QTRT2: variants seen among roughly 807,000 people sequenced by gnomAD.
The protein encoded by QTRT2 is queuine tRNA-ribosyltransferase accessory subunit 2, also known as queuine tRNA-ribosyltransferase domain containing 1.
Under a neutral mutation model 44.8 loss-of-function variants are expected in QTRT2, and 32 were observed. That is an observed-to-expected ratio of 0.71 (90% CI 0.54 to 0.96). The LOEUF is 0.96. QTRT2 is among the 40% of genes least tolerant of loss of function. The pLI is 0.00. For synonymous variants in QTRT2, 182 were observed against 187.4 expected, an observed-to-expected ratio of 0.97 and a Z score of 0.24; for missense variants, 461 against 503.1, an observed-to-expected ratio of 0.92 and a Z score of 0.80.
intron 4 of QTRT2, among the ~76,000 whole-genome samples, chr3:114,067,098 G>C (rs2076964205): frequency 6.6e-6 from 1 of 152,104 alleles, no homozygotes; most frequent in Admixed American, 6.6e-5. Flanking sequence ...TCAGTCTTCT[G>C]CTTCTGAGAG....
At chr3:114,075,168 G>A (rs911731669) in intron 6 of QTRT2, among the ~76,000 whole-genome samples, 9 of 152,090 alleles carry the variant, frequency 5.9e-5, no homozygotes, top group Non-Finnish European at 1.2e-4. Flanking sequence ...GGTTATGTAC[G>A]TACCATTTCC....
chr3:114,065,389 C>T lies in QTRT2; in HGVS notation c.132C>T (p.His44=), dbSNP rs1439496671. The T allele has an allele frequency of 1.2e-6, 2 of 1,614,192 alleles. No individual in the cohort carries two copies. The highest frequency in any genetic ancestry group is 1.1e-5 in the South Asian group (1 of 91,082). ...ATACCAAGACTGGCTCCGCCCCACA[C>T]CTCACCCATCACACGCTGCATAATA... ...LLYTKTGSAP[H]LTHHTLHNIH... is the part of the protein sequence containing the mutation. Residue 44 remains histidine, a synonymous_variant, in exon 3 of 10, where the codon CAC becomes CAT. Coordinates refer to ENST00000281273, the MANE Select transcript of QTRT2 (RefSeq NM_024638.4).
chr3:114,080,650 A>C (rs2077155442), intron 8 of QTRT2, among the ~76,000 whole-genome samples: 1 of 152,214 alleles, frequency 6.6e-6, no homozygotes, highest in Admixed American at 6.5e-5. Flanking sequence ...TAGGATACAG[A>C]CTTTGGGCTG....
chr3:114,066,852 A>G (rs1388410169), intron 4 of QTRT2, among the ~76,000 whole-genome samples: 1 of 152,200 alleles, frequency 6.6e-6, no homozygotes, highest in Non-Finnish European at 1.5e-5. Context: ...ATCATGCTTG[A>G]ACCTCAAACA....
At chr3:114,065,986 G>A (rs2076948846) in intron 3 of QTRT2, among the ~76,000 whole-genome samples, 1 of 152,222 alleles carries the variant, frequency 6.6e-6, no homozygotes, top group African/African-American at 2.4e-5. Flanking sequence ...GAAAATTCAA[G>A]TATTCTGAAG....
chr3:114,076,000 T>C (rs539940677), intron 6 of QTRT2, among the ~76,000 whole-genome samples: 1 of 152,292 alleles, frequency 6.6e-6, no homozygotes, highest in South Asian at 2.1e-4. Flanking sequence ...TTTATTTTAT[T>C]GGTTTGTGAG....
chr3:114,067,034 C>T lies in QTRT2; in HGVS notation c.256+751C>T, dbSNP rs2076963110. ...TTCTATACACCGCTTTCTCCTAACG[C>T]TTTTTCTGGTATCTAGGACTCACTT... On this transcript the variant is annotated intron_variant, in intron 4 of 9. Transcript: ENST00000281273. Among the ~76,000 whole-genome samples the T allele has an allele frequency of 2.0e-5, 3 of 152,154 alleles. No individual in the cohort carries two copies. The South Asian group carries it at 6.2e-4, about 31-fold the overall frequency.
chr3:114,061,266 C>CT (rs143077413), intron 2 of QTRT2, among the ~76,000 whole-genome samples: 4,811 of 152,170 alleles, frequency 0.032, 236 homozygotes, highest in African/African-American at 0.11. Context: ...ATCCACTTTG[C>CT]TTTTTTCGAT....
intron 5 of QTRT2, among the ~76,000 whole-genome samples, chr3:114,070,280 AAAAG>A (rs745726777): frequency 1.2e-4 from 18 of 152,232 alleles, no homozygotes; most frequent in South Asian, 6.2e-4. Flanking sequence ...AAAAAAAAGA[AAAAG>A]AAATACGGAA....
Position 114,065,373 on chromosome 3 carries a change from C to G in QTRT2, c.116C>G (p.Thr39Ser), listed in dbSNP as rs1487205041. ...DIPGCLLYTK[T>S]GSAPHLTHHT... ...CCAGGCTGCCTTCTGTATACCAAGA[C>G]TGGCTCCGCCCCACACCTCACCCAT... Residue 39 changes from threonine (T) to serine (S), a missense_variant, in exon 3 of 10, where the codon ACT (threonine) becomes AGT (serine). Thr to Ser is a moderately conservative substitution (Grantham distance 58). Coordinates refer to ENST00000281273, the MANE Select transcript of QTRT2 (RefSeq NM_024638.4). 3.1e-6 allele frequency: 5 copies of G among 1,614,192 alleles called. No individual in the cohort carries two copies. The highest frequency in any genetic ancestry group is 4.2e-6 in the Non-Finnish European group (5 of 1,180,030).
At chr3:114,070,860 C>T in intron 6 of QTRT2, 22 bp downstream of exon 6, 7 of 1,596,698 alleles carry the variant, frequency 4.4e-6, no homozygotes, top group South Asian at 3.3e-5. Context: ...CCACTAACCA[C>T]TCCTTTCTCT....
At chr3:114,068,826 T>C (rs1370213701) in intron 5 of QTRT2, among the ~76,000 whole-genome samples, 2 of 152,194 alleles carry the variant, frequency 1.3e-5, no homozygotes, top group Admixed American at 1.3e-4. Flanking sequence ...GGTGGGTAGA[T>C]GGCTTGAGCC....
In QTRT2 at chr3:114,070,714, T is replaced by A; in HGVS notation, c.422T>A (p.Phe141Tyr). 1 of 1,614,152 alleles carries A rather than the reference T, an allele frequency of 6.2e-7. No individual in the cohort carries two copies. The highest frequency in any genetic ancestry group is 8.5e-7 in the Non-Finnish European group (1 of 1,180,004). ...AIQKALQPDW[F>Y]QCLSDGEVSC... ...CAGAAGGCCCTTCAGCCAGACTGGTTCCAGTGCCTCTCCGATGGAGAAGTA... is the reference window on the plus strand; with the variant it reads ...CAGAAGGCCCTTCAGCCAGACTGGTACCAGTGCCTCTCCGATGGAGAAGTA... Residue 141 changes from phenylalanine to tyrosine, a missense_variant, in exon 6 of 10, where the codon TTC becomes TAC. Coordinates refer to ENST00000281273, the MANE Select transcript of QTRT2 (RefSeq NM_024638.4).
chr3:114,083,323 T>C (rs76413289), intron 9 of QTRT2, among the ~76,000 whole-genome samples: 10,990 of 148,666 alleles, frequency 0.074, 457 homozygotes, highest in Middle Eastern at 0.11. Context: ...GCTGTTGTTG[T>C]TGTTGTTGTT....
At chr3:114,084,078 T>TG (rs1349088800) in intron 9 of QTRT2, among the ~76,000 whole-genome samples, 37 of 145,826 alleles carry the variant, frequency 2.5e-4, no homozygotes, top group East Asian at 4.1e-4. Context: ...TTTTTTTTTG[T>TG]GGGGGGCAGA....
At chr3:114,068,464 C>G (rs2076982926) in intron 5 of QTRT2, 1 of 192,126 alleles carries the variant, frequency 5.2e-6, no homozygotes, top group Non-Finnish European at 1.1e-5. Flanking sequence ...AGTAGAATCT[C>G]AATATAATAT....
chr3:114,062,516 C>T (rs1481209143), intron 2 of QTRT2, among the ~76,000 whole-genome samples: 1 of 151,978 alleles, frequency 6.6e-6, no homozygotes. Context: ...ATGAGGAATT[C>T]CCAGGTAGGG....
intron 2 of QTRT2, among the ~76,000 whole-genome samples, chr3:114,064,536 G>A (rs764138557): frequency 2.6e-5 from 4 of 152,066 alleles, no homozygotes; most frequent in Non-Finnish European, 5.9e-5. Flanking sequence ...ATCTATAGAA[G>A]TTAGAAAGTG....
At position 114,076,656 on chromosome 3, in the gene QTRT2, C is replaced by G. The variant is rs1014721778; in HGVS notation, c.547-87C>G. The G allele has an allele frequency of 4.7e-6, 6 of 1,275,072 alleles. No homozygotes were observed. In the African/African-American group the frequency reaches 8.8e-5, roughly 19 times the overall value. 79.0% of individuals were successfully genotyped at this position (1,275,072 alleles called of 1,614,324 possible). ...TACAGCAGCTTCACTGAGGTCTCTT[C>G]TATACATTGGACTTCCATGTAAGGT... is the stretch of plus-strand genomic sequence containing the variant. On this transcript the variant is annotated intron_variant, in intron 6 of 9. Coordinates refer to ENST00000281273, the MANE Select transcript of QTRT2 (RefSeq NM_024638.4).
Sources: gnomAD v4.1 joint callset for allele counts (sites outside exome capture counted in the v4.1 genomes callset) on GRCh38, gnomAD v4.1.1 for gene constraint, MANE v1.5 for transcripts, NCBI Gene and HGNC (gene_info 2026-07-23, HGNC 2026-07-21) for gene names.